LRP2: variants seen among roughly 807,000 people sequenced by gnomAD.
LRP2 encodes the protein low-density lipoprotein receptor-related protein 2.
Under a neutral mutation model 531.0 loss-of-function variants are expected in LRP2, and 172 were observed. The ratio of observed to expected loss-of-function variants is 0.32; its 90% confidence interval spans 0.29 to 0.37. The LOEUF is 0.37. LRP2 is among the 10% of genes least tolerant of loss of function. The probability of loss-of-function intolerance (pLI) is 1.00; values close to 1 mark genes in which losing one functional copy is unlikely to be tolerated. For synonymous variants in LRP2, 1,992 were observed against 2,027.6 expected (o/e 0.98, Z 0.47); for missense variants, 5,167 against 5,868.3 (o/e 0.88, Z 3.90).
At chr2:169,156,754 GTC>G (rs1686346768) in intron 64 of LRP2, among the ~76,000 whole-genome samples, 2 of 152,172 alleles carry the variant, frequency 1.3e-5, no homozygotes. Context: ...ATTGTTCGGT[GTC>G]TCTTCACTTC....
chr2:169,221,444 C>A (rs1239583271), intron 33 of LRP2, among the ~76,000 whole-genome samples: 4 of 152,164 alleles, frequency 2.6e-5, no homozygotes, highest in African/African-American at 9.6e-5. Context: ...ACAGTGTTAA[C>A]AGGGCCCTGA....
intron 22 of LRP2, 99 bp from the exon 23 acceptor site, chr2:169,243,621 A>C: frequency 1.4e-6 from 2 of 1,409,318 alleles, no homozygotes; most frequent in Non-Finnish European, 2.0e-6. Context: ...AGTTATCTCA[A>C]TTGTACATGG....
intron 1 of LRP2, among the ~76,000 whole-genome samples, chr2:169,325,036 G>A (rs1302324283): frequency 1.3e-5 from 2 of 148,694 alleles, no homozygotes; most frequent in African/African-American, 2.5e-5. Context: ...TCTGAAAAAA[G>A]GGGAATATCT....
chr2:169,233,383 A>G, intron 30 of LRP2, 28 bp downstream of exon 30: 1 of 1,613,732 alleles, frequency 6.2e-7, no homozygotes, highest in Non-Finnish European at 8.5e-7. Context: ...AGCTACTCCC[A>G]GGCAGGATGT....
chr2:169,211,933 G>A (rs201352291), intron 37 of LRP2, 35 bp downstream of exon 37: 1 of 1,613,382 alleles, frequency 6.2e-7, no homozygotes, highest in East Asian at 2.2e-5. Context: ...GGTGCCAGAT[G>A]AAGTCAAATC....
At chr2:169,161,817 T>G (rs1686599177) in intron 63 of LRP2, among the ~76,000 whole-genome samples, 1 of 152,134 alleles carries the variant, frequency 6.6e-6, no homozygotes, top group African/African-American at 2.4e-5. Flanking sequence ...CCTTCCCAGG[T>G]CCCCTGTGGC....
At position 169,211,267 on chromosome 2, in the gene LRP2, T is replaced by C. The variant is rs1688582600; in HGVS notation, c.6280+701A>G. 4.6e-5 allele frequency among the ~76,000 whole-genome samples: 7 copies of C among 152,160 alleles called. No individual in the cohort carries two copies. The South Asian group carries it at 1.5e-3, about 32-fold the overall frequency. On this transcript the variant is annotated intron_variant, in intron 37 of 78. Transcript: ENST00000649046. ...TTTTTTCCTTCCTTTCTACCCTCTA[T>C]TTCTCTCTTTAGCCTGTGACATTCT...
intron 52 of LRP2, among the ~76,000 whole-genome samples, chr2:169,180,150 A>G (rs922185091): frequency 1.3e-5 from 2 of 152,206 alleles, no homozygotes; most frequent in Non-Finnish European, 1.5e-5. Context: ...AGAATAATCT[A>G]TAGGACCCAA....
At chr2:169,164,469 T>C (rs548671869) in intron 62 of LRP2, among the ~76,000 whole-genome samples, 1 of 152,342 alleles carries the variant, frequency 6.6e-6, no homozygotes, top group Admixed American at 6.5e-5. Context: ...TATTCTTGCA[T>C]TTTCCAGTCT....
intron 16 of LRP2, among the ~76,000 whole-genome samples, chr2:169,260,870 G>A (rs1273132836): frequency 2.7e-5 from 4 of 146,580 alleles, no homozygotes; most frequent in African/African-American, 2.5e-5. Context: ...GGGTACACTA[G>A]AAAAAAAAAA....
In LRP2 at chr2:169,270,926, A is replaced by C. The variant is rs1381249931; in HGVS notation, c.2298T>G (p.Phe766Leu). The change falls in exon 16 of 79, where the codon TTT (phenylalanine) becomes TTG (leucine). Residue 766 changes from phenylalanine (F) to leucine (L), a missense_variant. Physicochemically the swap from Phe to Leu is conservative, Grantham distance 22. Coordinates refer to ENST00000649046, the MANE Select transcript of LRP2 (RefSeq NM_004525.3). Reference sequence around the variant, plus strand: ...CACCTGTGCCATCAATCTTTTGCTTAAAAATCATGTGTTTTGACATATCTG... The same window carrying C: ...CACCTGTGCCATCAATCTTTTGCTTCAAAATCATGTGTTTTGACATATCTG... Reference protein sequence around the residue: ...FFSDMSKHMIFKQKIDGTGRE... With the variant: ...FFSDMSKHMILKQKIDGTGRE... The C allele has an allele frequency of 6.2e-7, 1 of 1,613,128 alleles. No individual in the cohort carries two copies. Among genetic ancestry groups the C allele is most frequent in the East Asian group, 2.2e-5 (1 of 44,834 alleles).
At chr2:169,220,656 A>T (rs1411786379) in intron 33 of LRP2, 93 bp from the exon 34 acceptor site, 1 of 787,336 alleles carries the variant, frequency 1.3e-6, no homozygotes, top group East Asian at 2.7e-5. Context: ...AACAAATTCC[A>T]AAGCACGATT....
rs1229875217 is a variant in LRP2, at chr2:169,225,315, T to C, written c.5533A>G (p.Ile1845Val). The C allele has an allele frequency of 1.3e-5, 21 of 1,613,878 alleles. No individual in the cohort carries two copies. Among genetic ancestry groups the C allele is most frequent in the Non-Finnish European group, 1.8e-5 (21 of 1,179,844 alleles). Residue 1845 changes from isoleucine (I) to valine (V), a missense_variant, in exon 33 of 79, where the codon ATC becomes GTC. Ile to Val is a conservative substitution (Grantham distance 29, BLOSUM62 3). Around this residue, in one of 6 missense-constraint regions of LRP2, gnomAD observed 2,811 missense variants for 3,058.0 expected, o/e 0.92. Transcript: ENST00000649046. ...LYSTNPRTQS[I>V]EVLTLHGDIR... ...TAGTATTATGGAATCATTACCTCGA[T>C]TGACTGAGTTCTAGGATTGGTAGAA...
intron 4 of LRP2, among the ~76,000 whole-genome samples, chr2:169,303,219 A>G (rs1684329640): frequency 6.6e-6 from 1 of 152,196 alleles, no homozygotes; most frequent in Non-Finnish European, 1.5e-5. Context: ...AAAAAGGTTT[A>G]GACAATAATA....
chr2:169,299,134 A>G (rs559026251), intron 4 of LRP2, among the ~76,000 whole-genome samples: 2 of 73,850 alleles, frequency 2.7e-5, no homozygotes, highest in African/African-American at 8.5e-5. Flanking sequence ...AAAGAAAGAA[A>G]GAAAGAAAGA....
chr2:169,349,755 A>T (rs1014566028), intron 1 of LRP2, among the ~76,000 whole-genome samples: 22 of 152,124 alleles, frequency 1.4e-4, no homozygotes, highest in African/African-American at 5.1e-4. Flanking sequence ...CTTGCTCCAG[A>T]GCTTCCTCTG....
At chr2:169,160,008 T>C (rs1686512508) in intron 63 of LRP2, among the ~76,000 whole-genome samples, 1 of 152,178 alleles carries the variant, frequency 6.6e-6, no homozygotes, top group South Asian at 2.1e-4. Context: ...CATTTGAAAA[T>C]GATCACCATT....
Position 169,362,488 on chromosome 2 carries a change from G to C in LRP2, c.-89C>G. On this transcript the variant is annotated 5_prime_UTR_variant, in exon 1 of 79. Coordinates refer to ENST00000649046, the MANE Select transcript of LRP2 (RefSeq NM_004525.3). ...ACCGGCAGCGCCTCTGCTAGCGAAC[G>C]CTCCTTTAGGTCTGCACCTCCGCCA... 2.6e-6 allele frequency: 3 copies of C among 1,164,560 alleles called. No homozygotes were observed. Among genetic ancestry groups the C allele is most frequent in the East Asian group, 2.6e-5 (1 of 39,110 alleles). The allele number at this position is 1,164,560 out of a possible 1,614,324, so 72.1% of individuals were successfully genotyped here.
chr2:169,362,015 T>C (rs938425193), intron 1 of LRP2, among the ~76,000 whole-genome samples: 1 of 152,244 alleles, frequency 6.6e-6, no homozygotes, highest in Non-Finnish European at 1.5e-5. Flanking sequence ...TCCCGCAAAG[T>C]GCTTTCCAGG....
Sources: gnomAD v4.1 joint callset for allele counts (sites outside exome capture counted in the v4.1 genomes callset) on GRCh38, gnomAD v4.1.1 for gene constraint, gnomAD v4.1.1 regional missense constraint, MANE v1.5 for transcripts, NCBI Gene and HGNC (gene_info 2026-07-23, HGNC 2026-07-21) for gene names.